The following ATE1 variants were observed in gnomAD, a reference collection of about 807,000 sequenced individuals.
The protein encoded by ATE1 is arginyl-tRNA--protein transferase 1.
Under a neutral mutation model 70.5 loss-of-function variants are expected in ATE1, and 36 were observed. The observed-to-expected ratio is 0.51, with a 90% CI of 0.39 to 0.67. The LOEUF (loss-of-function observed/expected upper bound fraction) is 0.67. ATE1 is among the 30% of genes least tolerant of loss of function. The probability of loss-of-function intolerance (pLI) is 0.00; values close to 1 mark genes in which losing one functional copy is unlikely to be tolerated. For synonymous variants in ATE1, 232 were observed against 219.3 expected (o/e 1.06, Z -0.51); for missense variants, 593 against 629.5 (o/e 0.94, Z 0.62).
At chr10:121,926,743 G>T (rs2420978) in intron 1 of ATE1, 897,022 of 985,266 alleles carry the variant, frequency 0.91, 408,736 homozygotes, top group East Asian at 0.92. Context: ...CCACTGTCAC[G>T]ATTTGGTGTA....
intron 8 of ATE1, among the ~76,000 whole-genome samples, chr10:121,852,385 C>A (rs1397812500): frequency 6.6e-6 from 1 of 151,960 alleles, no homozygotes; most frequent in Non-Finnish European, 1.5e-5. Context: ...TAACTCACTC[C>A]TGCAACTGTT....
chr10:121,886,616 C>A (rs1950408085), intron 7 of ATE1, among the ~76,000 whole-genome samples: 1 of 152,166 alleles, frequency 6.6e-6, no homozygotes, highest in South Asian at 2.1e-4. Flanking sequence ...ATTAATCTTT[C>A]TTAAATGTAT....
At chr10:121,877,842 C>T (rs1431877256) in intron 7 of ATE1, among the ~76,000 whole-genome samples, 1 of 152,146 alleles carries the variant, frequency 6.6e-6, no homozygotes, top group East Asian at 1.9e-4. Flanking sequence ...TCTATAAATG[C>T]TGAAGATGTT....
chr10:121,858,112 AC>A (rs1564901316), intron 8 of ATE1, among the ~76,000 whole-genome samples: 1 of 151,986 alleles, frequency 6.6e-6, no homozygotes, highest in Non-Finnish European at 1.5e-5. Flanking sequence ...GGTTGCTTCT[AC>A]CTTTGGCTAC....
At chr10:121,747,382 A>G (rs1009031377) in intron 11 of ATE1, among the ~76,000 whole-genome samples, 14 of 152,270 alleles carry the variant, frequency 9.2e-5, no homozygotes, top group African/African-American at 3.1e-4. Flanking sequence ...CTGGTCTCCA[A>G]CTGGGTTCAG....
At chr10:121,905,380 T>C (rs1319908832) in intron 5 of ATE1, among the ~76,000 whole-genome samples, 1 of 152,212 alleles carries the variant, frequency 6.6e-6, no homozygotes, top group Admixed American at 6.5e-5. Context: ...GTTATAAATT[T>C]ATAAGCAAAT....
chr10:121,746,282 G>A (rs558982155), intron 11 of ATE1, among the ~76,000 whole-genome samples: 18 of 152,058 alleles, frequency 1.2e-4, no homozygotes, highest in Admixed American at 9.8e-4. Flanking sequence ...CAACTGTTTC[G>A]TCTGCTAATA....
intron 5 of ATE1, among the ~76,000 whole-genome samples, chr10:121,906,049 A>C (rs1446635636): frequency 6.6e-6 from 1 of 152,184 alleles, no homozygotes; most frequent in Non-Finnish European, 1.5e-5. Context: ...AGACCTACAT[A>C]ATTTCTAATT....
In ATE1 at chr10:121,743,153, A is replaced by G. The variant is rs896819380; in HGVS notation, c.*527T>C. 6.6e-6 allele frequency: 1 copy of G among 152,592 alleles called. No homozygotes were observed. The highest frequency in any genetic ancestry group is 6.5e-5 in the Admixed American group (1 of 15,344). The allele number at this position is 152,592 out of a possible 1,614,324, so 9.5% of individuals were successfully genotyped here. A position where few individuals can be genotyped will look rare whatever the true frequency, so the allele number is the denominator to read the frequency against. ...TTTTTCAAGTTCTCTATTAAACTAC[A>G]TAACATTTGGCAGCAATTTCACATT... On this transcript the variant is annotated 3_prime_UTR_variant, in exon 12 of 12. Transcript: ENST00000224652.
chr10:121,884,433 C>CA (rs1232645938), intron 7 of ATE1, among the ~76,000 whole-genome samples: 3 of 151,380 alleles, frequency 2.0e-5, no homozygotes, highest in African/African-American at 2.4e-5. Context: ...GGTCTCCTCT[C>CA]AAAAAAAAGG....
rs118136539 is a variant in ATE1 at position 121,787,598 on chromosome 10, A to G, written c.1378+2571T>C. 2.4e-4 allele frequency among the ~76,000 whole-genome samples: 37 copies of G among 152,330 alleles called. No individual in the cohort carries two copies. The East Asian group carries it at 6.9e-3, about 29-fold the overall frequency. ...CTTCAAAGCACTTATTCTCAAAGAA[A>G]TTTACTTCTTTCTAAATGAATTCTA... On this transcript the variant is annotated intron_variant, in intron 11 of 11. Transcript: ENST00000224652.
chr10:121,743,679 G>A lies in ATE1; in HGVS notation c.*1C>T. On this transcript the variant is annotated 3_prime_UTR_variant, in exon 12 of 12. Transcript: ENST00000224652. ...GGAACTTCCCGGCAGAGGTGAACAG[G>A]TCAGTTTCTGAACAGCAGCATCCGC... 1.2e-6 allele frequency: 2 copies of A among 1,605,834 alleles called. No individual in the cohort carries two copies. The highest frequency in any genetic ancestry group is 2.2e-5 in the East Asian group (1 of 44,782).
intron 11 of ATE1, among the ~76,000 whole-genome samples, chr10:121,757,018 C>G (rs756497793): frequency 6.6e-6 from 1 of 152,190 alleles, no homozygotes; most frequent in African/African-American, 2.4e-5. Flanking sequence ...CTTTTATGCT[C>G]TGCTTCCGTT....
rs143632950 is a variant in ATE1, at chr10:121,810,742, G to A, written c.1258-20453C>T. Among the ~76,000 whole-genome samples, 424 of 150,144 alleles carry A rather than the reference G, an allele frequency of 2.8e-3. 2 individuals are homozygous for A. The highest frequency in any genetic ancestry group is 0.022 in the Middle Eastern group (6 of 278). ...TGTTGAGACAGAGTCTCACTGTGTC[G>A]CCCAGGCTGGAGTGCAGTGGTGCAA... On this transcript the variant is annotated intron_variant, in intron 10 of 11. Coordinates refer to ENST00000224652, the MANE Select transcript of ATE1 (RefSeq NM_001001976.3).
intron 7 of ATE1, among the ~76,000 whole-genome samples, chr10:121,894,978 A>G (rs1370252686): frequency 2.0e-5 from 3 of 152,238 alleles, no homozygotes; most frequent in African/African-American, 7.2e-5. Flanking sequence ...GCAAAAGGCC[A>G]AAAAGCACAG....
chr10:121,903,114 C>T (rs1310679158), intron 5 of ATE1, among the ~76,000 whole-genome samples: 1 of 152,084 alleles, frequency 6.6e-6, no homozygotes, highest in Non-Finnish European at 1.5e-5. Flanking sequence ...TGGTCTCAAA[C>T]TCCTGACCTC....
chr10:121,872,613 T>G (rs991374620), intron 7 of ATE1, among the ~76,000 whole-genome samples: 1 of 152,028 alleles, frequency 6.6e-6, no homozygotes, highest in Non-Finnish European at 1.5e-5. Flanking sequence ...GAAAGAACAA[T>G]TATAAAAAAA....
chr10:121,818,515 C>A (rs923026805), intron 10 of ATE1, among the ~76,000 whole-genome samples: 5 of 152,148 alleles, frequency 3.3e-5, no homozygotes, highest in African/African-American at 4.8e-5. Flanking sequence ...CTCAAACACA[C>A]AAAACTGTGG....
At chr10:121,864,329 G>GCAGTTCACAATGGGGTT (rs1280558641) in intron 8 of ATE1, among the ~76,000 whole-genome samples, 8 of 152,162 alleles carry the variant, frequency 5.3e-5, no homozygotes, top group African/African-American at 1.9e-4. Context: ...CCTCACATGG[G>GCAGTTCACAATGGGGTT]CAGTTCACAA....
Sources: gnomAD v4.1 joint callset for allele counts (sites outside exome capture counted in the v4.1 genomes callset) on GRCh38, gnomAD v4.1.1 for gene constraint, MANE v1.5 for transcripts, NCBI Gene and HGNC (gene_info 2026-07-23, HGNC 2026-07-21) for gene names.